NRXN1: variants seen among roughly 807,000 people sequenced by gnomAD.
The protein encoded by NRXN1 is neurexin 1.
A neutral mutation model predicts 150.9 loss-of-function variants in NRXN1; 39 were observed. The ratio of observed to expected loss-of-function variants is 0.26; its 90% CI spans 0.20 to 0.34. The LOEUF is 0.34. NRXN1 is among the 10% of genes least tolerant of loss of function. NRXN1 has a pLI of 1.00. For synonymous variants in NRXN1, 924 were observed against 757.0 expected (o/e 1.22, Z -3.62); for missense variants, 1,815 against 1,949.9 (o/e 0.93, Z 1.30).
chr2:50,888,863 T>C (rs1680651049), intron 5 of NRXN1, among the ~76,000 whole-genome samples: 1 of 151,630 alleles, frequency 6.6e-6, no homozygotes, highest in Non-Finnish European at 1.5e-5. Flanking sequence ...ATGGCTTCCT[T>C]TAACCTGATG....
chr2:50,110,620 C>A (rs1243514841), intron 18 of NRXN1, among the ~76,000 whole-genome samples: 1 of 151,604 alleles, frequency 6.6e-6, no homozygotes, highest in Admixed American at 6.6e-5. Context: ...GGTGTGTGTG[C>A]GTATGTGCGT....
At chr2:50,789,918 G>A (rs530870562) in intron 5 of NRXN1, among the ~76,000 whole-genome samples, 12 of 152,168 alleles carry the variant, frequency 7.9e-5, no homozygotes, top group South Asian at 6.2e-4. Flanking sequence ...CAAGTCCTAC[G>A]TTTTCAAAAT....
At chr2:50,726,558 A>C (rs1697386832) in intron 5 of NRXN1, among the ~76,000 whole-genome samples, 1 of 152,224 alleles carries the variant, frequency 6.6e-6, no homozygotes, top group South Asian at 2.1e-4. Context: ...TTAATTCTTC[A>C]TTGTGACCCT....
intron 8 of NRXN1, among the ~76,000 whole-genome samples, chr2:50,600,804 A>T (rs758290918): frequency 1.3e-5 from 2 of 152,242 alleles, no homozygotes; most frequent in South Asian, 4.1e-4. Flanking sequence ...AGTCAAGGTT[A>T]ATTTGAGATA....
intron 21 of NRXN1, among the ~76,000 whole-genome samples, chr2:50,032,550 A>T (rs909516054): frequency 1.3e-5 from 2 of 152,102 alleles, no homozygotes; most frequent in Non-Finnish European, 2.9e-5. Flanking sequence ...TTTGAGAGCT[A>T]AAAGCTGTTT....
At chr2:50,031,692 C>G (rs1689201664) in intron 21 of NRXN1, among the ~76,000 whole-genome samples, 1 of 152,036 alleles carries the variant, frequency 6.6e-6, no homozygotes, top group Non-Finnish European at 1.5e-5. Context: ...TTTGTCTCAT[C>G]CAAACGCATC....
intron 18 of NRXN1, among the ~76,000 whole-genome samples, chr2:50,118,011 C>T (rs1253625934): frequency 1.3e-5 from 2 of 152,078 alleles, no homozygotes; most frequent in Admixed American, 6.6e-5. Context: ...GGTTTTCTTC[C>T]TTCTATTGTA....
chr2:50,528,461 T>G (rs150029967), intron 12 of NRXN1, among the ~76,000 whole-genome samples, 164 bp downstream of exon 12: 4 of 152,146 alleles, frequency 2.6e-5, no homozygotes, highest in Non-Finnish European at 5.9e-5. Context: ...GCTGTACAAA[T>G]TTAAAAATGA....
At chr2:50,348,837 C>CA (rs746074570) in intron 17 of NRXN1, among the ~76,000 whole-genome samples, 18 of 145,238 alleles carry the variant, frequency 1.2e-4, no homozygotes, top group Non-Finnish European at 2.6e-4. Flanking sequence ...AGTGGCTGGA[C>CA]TTTTTTTTTT....
intron 22 of NRXN1, among the ~76,000 whole-genome samples, chr2:49,942,115 A>G (rs1672080946): frequency 6.6e-6 from 1 of 152,110 alleles, no homozygotes; most frequent in South Asian, 2.1e-4. Context: ...ACCAAGAGGG[A>G]ATGATTGCAG....
At chr2:50,026,309 C>A (rs191330973) in intron 21 of NRXN1, among the ~76,000 whole-genome samples, 1 of 152,280 alleles carries the variant, frequency 6.6e-6, no homozygotes, top group Admixed American at 6.5e-5. Context: ...AACTTTGGCC[C>A]TGAAATGTCC....
intron 5 of NRXN1, among the ~76,000 whole-genome samples, chr2:50,630,238 C>T (rs1164364289): frequency 6.6e-6 from 1 of 151,626 alleles, no homozygotes; most frequent in African/African-American, 2.4e-5. Context: ...TTAACCATTA[C>T]TGAACCACTT....
chr2:50,515,363 T>C (rs2092598182), intron 12 of NRXN1, among the ~76,000 whole-genome samples: 1 of 152,134 alleles, frequency 6.6e-6, no homozygotes, highest in Non-Finnish European at 1.5e-5. Flanking sequence ...TACAATGTAA[T>C]AGTAATAGAA....
chr2:50,401,968 G>T (rs964942790), intron 17 of NRXN1, among the ~76,000 whole-genome samples: 10 of 152,076 alleles, frequency 6.6e-5, no homozygotes, highest in South Asian at 4.2e-4. Context: ...CCTGGGAAGG[G>T]GCAGAAAAAT....
chr2:51,020,241 T>C (rs934682125), intron 2 of NRXN1, among the ~76,000 whole-genome samples: 2 of 151,756 alleles, frequency 1.3e-5, no homozygotes, highest in African/African-American at 4.8e-5. Context: ...TCATCATAGA[T>C]TAGTTGTATC....
chr2:50,671,157 A>C (rs567874298), intron 5 of NRXN1, among the ~76,000 whole-genome samples: 1 of 151,712 alleles, frequency 6.6e-6, no homozygotes, highest in Non-Finnish European at 1.5e-5. Context: ...GTATCTATTT[A>C]TTTTCTTCTT....
intron 17 of NRXN1, among the ~76,000 whole-genome samples, chr2:50,370,208 T>G (rs1558613744): frequency 6.6e-6 from 1 of 152,126 alleles, no homozygotes; most frequent in South Asian, 2.1e-4. Context: ...GGGTACATGT[T>G]TGATGTTGTT....
chr2:50,318,934 T>C (rs1000092251), intron 17 of NRXN1, among the ~76,000 whole-genome samples: 10 of 152,152 alleles, frequency 6.6e-5, no homozygotes, highest in African/African-American at 2.4e-4. Flanking sequence ...ACATGAATTA[T>C]ATAAGTTTTA....
At chr2:50,134,291 A>G (rs1472802845) in intron 18 of NRXN1, among the ~76,000 whole-genome samples, 2 of 151,320 alleles carry the variant, frequency 1.3e-5, no homozygotes, top group Admixed American at 6.6e-5. Flanking sequence ...AAAAAAAAAA[A>G]AGAGAACACT....
Sources: gnomAD v4.1 joint callset for allele counts (sites outside exome capture counted in the v4.1 genomes callset) on GRCh38, gnomAD v4.1.1 for gene constraint, MANE v1.5 for transcripts, NCBI Gene and HGNC (gene_info 2026-07-23, HGNC 2026-07-21) for gene names.